The following ZC3HC1 variants were observed in gnomAD, a reference collection of about 807,000 sequenced individuals.
ZC3HC1 encodes zinc finger C3HC-type containing 1.
In ZC3HC1, 38 loss-of-function variants were observed where a neutral mutation model predicts 61.9. The observed-to-expected ratio is 0.61, with a 90% CI of 0.47 to 0.81. The LOEUF (loss-of-function observed/expected upper bound fraction) is 0.81. ZC3HC1 is among the 30% of genes least tolerant of loss of function. The pLI is 0.00. For synonymous variants in ZC3HC1, 213 were observed against 229.9 expected (o/e 0.93, Z 0.67); for missense variants, 554 against 622.7 (o/e 0.89, Z 1.17).
chr7:130,050,184 T>C (rs1408083291), intron 1 of ZC3HC1, among the ~76,000 whole-genome samples: 1 of 151,976 alleles, frequency 6.6e-6, no homozygotes. Context: ...TTCAACCAAT[T>C]CTCCTGCCTC....
Position 130,029,701 on chromosome 7 carries a change from T to C in ZC3HC1, c.494-672A>G, listed in dbSNP as rs150837787. ...AGTGATGGGGTTTCATTATTTATAC[T>C]ATTCCGTGTACTTCTATATATGTGT... On this transcript the variant is annotated intron_variant, in intron 4 of 9. Coordinates refer to ENST00000358303, the MANE Select transcript of ZC3HC1 (RefSeq NM_016478.5). Among the ~76,000 whole-genome samples, 540 of 152,316 alleles carry C rather than the reference T, an allele frequency of 3.5e-3. 6 individuals carry two copies. The highest frequency in any genetic ancestry group is 9.9e-3 in the South Asian group (48 of 4,830).
At position 130,048,841 on chromosome 7, in the gene ZC3HC1, T is replaced by C. The variant is rs758704025; in HGVS notation, c.258+192A>G. On this transcript the variant is annotated intron_variant, in intron 2 of 9. Coordinates refer to ENST00000358303, the MANE Select transcript of ZC3HC1 (RefSeq NM_016478.5). Reference sequence around the variant, plus strand: ...TTCTCAGGCTCTTAGTTTTTTCTTCTGTAAAAAGAAAAGGTTAGATAACCT... The same window carrying C: ...TTCTCAGGCTCTTAGTTTTTTCTTCCGTAAAAAGAAAAGGTTAGATAACCT... The C allele has an allele frequency of 1.3e-4, 53 of 399,404 alleles. 1 individual carries two copies. The highest frequency in any genetic ancestry group is 2.1e-4 in the Non-Finnish European group (48 of 228,460). 24.7% of individuals were successfully genotyped at this position (399,404 alleles called of 1,614,324 possible). A position where few individuals can be genotyped will look rare whatever the true frequency, so the allele number is the denominator to read the frequency against.
chr7:130,020,983 C>T (rs896222389), intron 9 of ZC3HC1, among the ~76,000 whole-genome samples: 5 of 152,086 alleles, frequency 3.3e-5, no homozygotes, highest in Non-Finnish European at 5.9e-5. Flanking sequence ...CTGCAACCTC[C>T]GCCTCCTGGG....
At chr7:130,021,947 G>C (rs1793660490) in intron 9 of ZC3HC1, among the ~76,000 whole-genome samples, 1 of 152,134 alleles carries the variant, frequency 6.6e-6, no homozygotes, top group African/African-American at 2.4e-5. Flanking sequence ...GGCCGAGGCG[G>C]GGGGATCACC....
chr7:130,034,484 C>CAAAAAAA (rs35780865), intron 4 of ZC3HC1, among the ~76,000 whole-genome samples: 1 of 62,274 alleles, frequency 1.6e-5, no homozygotes. Flanking sequence ...GACTCCGTCT[C>CAAAAAAA]AAAAAAAAAA....
Position 130,024,506 on chromosome 7 carries a change from A to T in ZC3HC1, c.777T>A (p.Ser259Arg), listed in dbSNP as rs1366369544. 1 of 1,602,404 alleles carries T rather than the reference A, an allele frequency of 6.2e-7. No homozygotes were observed. The highest frequency in any genetic ancestry group is 2.2e-5 in the East Asian group (1 of 44,644). Residue 259 changes from serine to arginine, a missense_variant and splice_region_variant, in exon 7 of 10, where the codon AGT (serine) becomes AGA (arginine). Ser to Arg is a moderately radical substitution (Grantham distance 110, BLOSUM62 -1). Transcript: ENST00000358303. ...AGAGCTGCATGGATTCCAAAGAGGA[A>T]CTAGATAGGAATGAAAAAGAGAGTT... ...CILSVCGWACSSSLESMQLSL... is the reference protein window; with the variant it reads ...CILSVCGWACRSSLESMQLSL...
intron 4 of ZC3HC1, among the ~76,000 whole-genome samples, chr7:130,036,282 C>T (rs1354801680): frequency 3.3e-5 from 5 of 152,084 alleles, no homozygotes; most frequent in Non-Finnish European, 7.4e-5. Context: ...CTTTGGGAGG[C>T]AGAGGCAGGT....
chr7:130,041,494 A>AT (rs1226405983), intron 2 of ZC3HC1, among the ~76,000 whole-genome samples: 3 of 149,924 alleles, frequency 2.0e-5, no homozygotes, highest in African/African-American at 7.3e-5. Context: ...ATTAAAATGA[A>AT]TAAGTCATAA....
chr7:130,026,034 TTTTC>T, intron 6 of ZC3HC1, 120 bp downstream of exon 6: 2 of 1,201,616 alleles, frequency 1.7e-6, no homozygotes, highest in Non-Finnish European at 2.3e-6. Flanking sequence ...CCCACCCAGT[TTTTC>T]TTTGTCTCTT....
At chr7:130,033,521 C>T (rs1386277823) in intron 4 of ZC3HC1, among the ~76,000 whole-genome samples, 2 of 149,262 alleles carry the variant, frequency 1.3e-5, no homozygotes, top group African/African-American at 2.5e-5. Flanking sequence ...GACACGATCC[C>T]GGCTCACTGC....
At chr7:130,040,791 C>T (rs956067170) in intron 3 of ZC3HC1, among the ~76,000 whole-genome samples, 160 bp downstream of exon 3, 2 of 114,688 alleles carry the variant, frequency 1.7e-5, no homozygotes, top group African/African-American at 6.9e-5. Flanking sequence ...GCCTGGGCAA[C>T]AAGCAAGACC....
intron 5 of ZC3HC1, among the ~76,000 whole-genome samples, chr7:130,028,541 C>CA (rs1428851472): frequency 1.3e-5 from 2 of 151,756 alleles, no homozygotes; most frequent in African/African-American, 4.8e-5. Context: ...GACTCGGTCT[C>CA]AAAATAATAA....
chr7:130,029,475 GT>G (rs1303879182), intron 4 of ZC3HC1, among the ~76,000 whole-genome samples: 14 of 152,134 alleles, frequency 9.2e-5, no homozygotes, highest in Non-Finnish European at 2.1e-4. Flanking sequence ...GGAAATTATT[GT>G]TTTTCATTTT....
chr7:130,028,779 A>T, intron 5 of ZC3HC1, 123 bp downstream of exon 5: 1 of 1,330,734 alleles, frequency 7.5e-7, no homozygotes, highest in Non-Finnish European at 1.0e-6. Flanking sequence ...AAAAGGTCAG[A>T]TGAGAGACAG....
intron 4 of ZC3HC1, among the ~76,000 whole-genome samples, chr7:130,034,647 C>T (rs375416146): frequency 1.8e-4 from 27 of 151,968 alleles, no homozygotes; most frequent in African/African-American, 6.0e-4. Flanking sequence ...AGGGGTATGC[C>T]ACCACATCTG....
intron 7 of ZC3HC1, among the ~76,000 whole-genome samples, chr7:130,024,020 A>T (rs1453492449): frequency 6.6e-6 from 1 of 151,946 alleles, no homozygotes; most frequent in African/African-American, 2.4e-5. Context: ...GGCTGGTCTC[A>T]AACTCCTAAC....
Position 130,051,362 on chromosome 7 carries a change from G to A in ZC3HC1, c.5C>T (p.Ala2Val), listed in dbSNP as rs1388745327. ...AAACGCTTGTCCCTCACAGGGCGCC[G>A]CCATCTTGGTCCGCTGCCGAGTTGC... is the stretch of plus-strand genomic sequence containing the variant. M[A>V]APCEGQAFAV... Residue 2 changes from alanine to valine, a missense_variant, in exon 1 of 10, where the codon GCG becomes GTG. By Grantham distance (64) the Ala-to-Val change is moderately conservative. Coordinates refer to ENST00000358303, the MANE Select transcript of ZC3HC1 (RefSeq NM_016478.5). The A allele has an allele frequency of 1.9e-6, 3 of 1,612,138 alleles. No individual in the cohort carries two copies. The highest frequency in any genetic ancestry group is 2.2e-5 in the East Asian group (1 of 44,702).
chr7:130,026,519 T>A, intron 5 of ZC3HC1: 1 of 458,200 alleles, frequency 2.2e-6, no homozygotes, highest in Non-Finnish European at 3.8e-6. Context: ...ATCTGCTGAC[T>A]GAGAAAGATG....
chr7:130,051,284 G>A lies in ZC3HC1; in HGVS notation c.83C>T (p.Thr28Ile). ...TATCAGCTGCCGGATTTTCTGGGGG[G>A]TCCCTTCTGGGGAGCGAACTACTGC... The part of the protein sequence containing the change: ...WGAVVRSPEG[T>I]PQKIRQLIDE... Residue 28 changes from threonine to isoleucine, a missense_variant, in exon 1 of 10, where the codon ACC becomes ATC. Coordinates refer to ENST00000358303, the MANE Select transcript of ZC3HC1 (RefSeq NM_016478.5). 6.2e-7 allele frequency: 1 copy of A among 1,612,330 alleles called. No homozygotes were observed.
Sources: gnomAD v4.1 joint callset for allele counts (sites outside exome capture counted in the v4.1 genomes callset) on GRCh38, gnomAD v4.1.1 for gene constraint, MANE v1.5 for transcripts, NCBI Gene and HGNC (gene_info 2026-07-23, HGNC 2026-07-21) for gene names.